Variants in SLC14A2 observed in about 807,000 individuals in gnomAD.
SLC14A2 encodes urea transporter 2.
Under a neutral mutation model 104.6 loss-of-function variants are expected in SLC14A2, and 91 were observed. The ratio of observed to expected loss-of-function variants is 0.87; its 90% CI spans 0.73 to 1.04. SLC14A2 has a LOEUF of 1.04. Ranked by LOEUF, SLC14A2 falls within the 50% of genes least tolerant of loss-of-function variation. SLC14A2 has a pLI of 0.00. For synonymous variants in SLC14A2, 476 were observed against 466.4 expected, an observed-to-expected ratio of 1.02 and a Z score of -0.27; for missense variants, 1,189 against 1,156.0, an observed-to-expected ratio of 1.03 and a Z score of -0.41.
In SLC14A2 at chr18:45,663,789, C is replaced by A. The variant is rs367816000; in HGVS notation, c.1356C>A (p.Gly452=). The part of the protein sequence containing the change: ...SGEEEKAPSG[G]GGEHPPTAGP... ...TCTTGTTTTGCCCCTGGCTAGGAGG[C>A]GGTGGGGAGCATCCACCCACAGCAG... Residue 452 remains glycine (G), a synonymous_variant, in exon 11 of 20, where the codon GGC becomes GGA. Transcript: ENST00000255226. 6.2e-7 allele frequency: 1 copy of A among 1,611,890 alleles called. No homozygotes were observed. Among genetic ancestry groups the A allele is most frequent in the South Asian group, 1.1e-5 (1 of 90,926 alleles).
At chr18:45,319,573 C>T (rs72906661) in intron 1 of SLC14A2, among the ~76,000 whole-genome samples, 1 of 152,192 alleles carries the variant, frequency 6.6e-6, no homozygotes, top group African/African-American at 2.4e-5. Context: ...TAGCACATGT[C>T]TAGCCTCTAG....
At chr18:45,382,566 A>G (rs1344482595) in intron 1 of SLC14A2, among the ~76,000 whole-genome samples, 1 of 152,210 alleles carries the variant, frequency 6.6e-6, no homozygotes, top group African/African-American at 2.4e-5. Flanking sequence ...TACCTGGAGA[A>G]TAAGGGATTT....
At chr18:45,650,319 A>G (rs1029840980) in intron 10 of SLC14A2, among the ~76,000 whole-genome samples, 7 of 152,106 alleles carry the variant, frequency 4.6e-5, no homozygotes, top group African/African-American at 1.4e-4. Context: ...ATGTGTGTTT[A>G]TGATTTTTTT....
intron 1 of SLC14A2, among the ~76,000 whole-genome samples, chr18:45,416,181 TTC>T (rs2086274809): frequency 6.6e-6 from 1 of 152,148 alleles, no homozygotes; most frequent in Non-Finnish European, 1.5e-5. Flanking sequence ...GCCTATTTTT[TTC>T]TTTTTTTAAG....
rs2045312459 is a variant in SLC14A2 at position 45,629,530 on chromosome 18, C to CTGTA, written c.521+2383_521+2384insTGTA. Among the ~76,000 whole-genome samples the CTGTA allele has an allele frequency of 2.6e-5, 4 of 152,148 alleles. No homozygotes were observed. In the South Asian group the frequency reaches 8.3e-4, roughly 32 times the overall value. On this transcript the variant is annotated intron_variant, in intron 4 of 19. Transcript: ENST00000255226. ...GAAATTTACCTGGGGTGAACTCTGTCCAGCCCACTGCCTTCTTAGCTGTGT... is the reference window on the plus strand; with the variant it reads ...GAAATTTACCTGGGGTGAACTCTGTCTGTACAGCCCACTGCCTTCTTAGCTGTGT...
At chr18:45,214,739 A>G (rs1341033119) in intron 1 of SLC14A2, among the ~76,000 whole-genome samples, 5 of 152,018 alleles carry the variant, frequency 3.3e-5, no homozygotes, top group African/African-American at 9.7e-5. Context: ...TTCCAGTATT[A>G]TGTTTATCCA....
intron 14 of SLC14A2, 134 bp downstream of exon 14, chr18:45,668,156 T>A: frequency 1.8e-6 from 2 of 1,140,070 alleles, no homozygotes; most frequent in Non-Finnish European, 2.5e-6. Flanking sequence ...TCCCTGGTTA[T>A]TTTGTCATAG....
At chr18:45,609,524 T>G (rs1376178378) in intron 2 of SLC14A2, among the ~76,000 whole-genome samples, 2 of 152,194 alleles carry the variant, frequency 1.3e-5, no homozygotes, top group African/African-American at 4.8e-5. Context: ...ACTGCCAGCA[T>G]TCCTCATTGG....
At chr18:45,263,694 A>G (rs1361068510) in intron 1 of SLC14A2, among the ~76,000 whole-genome samples, 1 of 152,182 alleles carries the variant, frequency 6.6e-6, no homozygotes, top group Non-Finnish European at 1.5e-5. Flanking sequence ...GTTTAGACTC[A>G]TGGATATTTA....
At chr18:45,672,136 C>T (rs562957740) in intron 16 of SLC14A2, among the ~76,000 whole-genome samples, 1 of 152,204 alleles carries the variant, frequency 6.6e-6, no homozygotes, top group Non-Finnish European at 1.5e-5. Flanking sequence ...CTCCTCCAGA[C>T]CTTACTAACA....
upstream of SLC14A2, among the ~76,000 whole-genome samples, chr18:45,611,736 T>C (rs1368739905): frequency 6.6e-6 from 1 of 152,162 alleles, no homozygotes; most frequent in East Asian, 1.9e-4. Context: ...GCTGAGACAG[T>C]CTTAGCTCCT....
In SLC14A2 at chr18:45,608,518, C is replaced by T. The variant is rs115029700; in HGVS notation, c.-34-16113C>T. Among the ~76,000 whole-genome samples, 1,501 of 152,266 alleles carry T rather than the reference C, an allele frequency of 9.9e-3. 26 individuals carry two copies. Among genetic ancestry groups the T allele is most frequent in the African/African-American group, 0.034 (1,424 of 41,550 alleles). ...TCCAACTGCTATGACCGTCCCAGTG[C>T]GTTTTGCTCATCAACACTCACCCTC... is the stretch of plus-strand genomic sequence containing the variant. On this transcript the variant is annotated intron_variant, in intron 2 of 20. Coordinates refer to the SLC14A2 transcript ENST00000586448.
intron 1 of SLC14A2, among the ~76,000 whole-genome samples, chr18:45,418,830 A>T (rs550434402): frequency 6.6e-6 from 1 of 151,966 alleles, no homozygotes; most frequent in Non-Finnish European, 1.5e-5. Context: ...GCTTTCTCTT[A>T]TTTTCCTTCT....
At chr18:45,442,010 C>T (rs1050594484) in intron 1 of SLC14A2, among the ~76,000 whole-genome samples, 1 of 152,092 alleles carries the variant, frequency 6.6e-6, no homozygotes, top group East Asian at 1.9e-4. Context: ...CTGTCCTATT[C>T]CAGGCTGACA....
rs185228779 is a variant in SLC14A2, at chr18:45,270,446, C to T, written c.-125+57255C>T. On this transcript the variant is annotated intron_variant, in intron 1 of 20. Coordinates refer to the SLC14A2 transcript ENST00000586448. ...CTGCCCCAACTTCTTCCTGGTGCTGCATGCTTGCTACTCTGATGAGAGCCA... is the reference window on the plus strand; with the variant it reads ...CTGCCCCAACTTCTTCCTGGTGCTGTATGCTTGCTACTCTGATGAGAGCCA... Among the ~76,000 whole-genome samples the T allele has an allele frequency of 8.5e-5, 13 of 152,242 alleles. No individual in the cohort carries two copies. The East Asian group carries it at 2.5e-3, about 29-fold the overall frequency.
At chr18:45,255,561 G>T (rs902428117) in intron 1 of SLC14A2, among the ~76,000 whole-genome samples, 2 of 152,118 alleles carry the variant, frequency 1.3e-5, no homozygotes, top group Admixed American at 1.3e-4. Context: ...CTCTACCTTT[G>T]GCCGTGGTTT....
intron 7 of SLC14A2, 24 bp downstream of exon 7, chr18:45,639,917 A>G (rs757344540): frequency 2.7e-5 from 43 of 1,606,046 alleles, no homozygotes; most frequent in Non-Finnish European, 3.7e-5. Flanking sequence ...CCCTCTCTTC[A>G]GGTCCTCAGG....
chr18:45,263,701 T>C (rs1405957122), intron 1 of SLC14A2, among the ~76,000 whole-genome samples: 1 of 152,222 alleles, frequency 6.6e-6, no homozygotes, highest in Non-Finnish European at 1.5e-5. Flanking sequence ...CTCATGGATA[T>C]TTATTGTATT....
At chr18:45,627,445 G>C (rs2045278145) in intron 4 of SLC14A2, among the ~76,000 whole-genome samples, 1 of 152,210 alleles carries the variant, frequency 6.6e-6, no homozygotes, top group Non-Finnish European at 1.5e-5. Flanking sequence ...AAGGAGACAA[G>C]ATTAATAGGC....
Sources: gnomAD v4.1 joint callset for allele counts (sites outside exome capture counted in the v4.1 genomes callset) on GRCh38, gnomAD v4.1.1 for gene constraint, MANE v1.5 for transcripts, NCBI Gene and HGNC (gene_info 2026-07-23, HGNC 2026-07-21) for gene names.